FBXO38: variants seen among roughly 807,000 people sequenced by gnomAD.
FBXO38 encodes F-box protein 38, also known as F-box only protein 38.
A neutral mutation model predicts 131.9 loss-of-function variants in FBXO38; 53 were observed. The ratio of observed to expected loss-of-function variants is 0.40; its 90% CI spans 0.32 to 0.51. The LOEUF (loss-of-function observed/expected upper bound fraction) is 0.51, where lower values mean the gene tolerates loss of function less well. Ranked by LOEUF, FBXO38 falls within the 20% of genes least tolerant of loss-of-function variation. FBXO38 has a pLI of 0.53. For synonymous variants in FBXO38, 452 were observed against 505.6 expected (o/e 0.89, Z 1.42); for missense variants, 1,076 against 1,475.6 (o/e 0.73, Z 4.44).
intron 6 of FBXO38, 55 bp from the exon 7 acceptor site, chr5:148,406,202 A>T (rs946627578): frequency 4.8e-6 from 7 of 1,450,704 alleles, no homozygotes; most frequent in Non-Finnish European, 6.4e-6. Context: ...ACTGATTTGA[A>T]ATTCATTTTA....
At chr5:148,417,547 A>G (rs1350602284) in intron 12 of FBXO38, among the ~76,000 whole-genome samples, 2 of 152,192 alleles carry the variant, frequency 1.3e-5, no homozygotes, top group African/African-American at 4.8e-5. Flanking sequence ...AATGGATAGC[A>G]TGAACATTAA....
chr5:148,393,344 TTTAC>T (rs1176666641), intron 1 of FBXO38, among the ~76,000 whole-genome samples: 1 of 151,938 alleles, frequency 6.6e-6, no homozygotes, highest in East Asian at 1.9e-4. Context: ...ATGATGAAGA[TTTAC>T]TTAGCCTAGT....
At chr5:148,410,556 A>G in intron 8 of FBXO38, 79 bp from the exon 9 acceptor site, 1 of 1,525,358 alleles carries the variant, frequency 6.6e-7, no homozygotes, top group Non-Finnish European at 9.0e-7. Context: ...GAAACGGACT[A>G]ATACACTTAT....
chr5:148,394,940 T>A, intron 2 of FBXO38, 36 bp downstream of exon 2: 1 of 1,537,138 alleles, frequency 6.5e-7, no homozygotes, highest in Admixed American at 2.0e-5. Flanking sequence ...CTGCCTGGAA[T>A]GGATAAGAGC....
At position 148,417,195 on chromosome 5, in the gene FBXO38, G is replaced by C. The variant is rs1460688537; in HGVS notation, c.1609G>C (p.Ala537Pro). 2.5e-6 allele frequency: 4 copies of C among 1,608,046 alleles called. No individual in the cohort carries two copies. Among genetic ancestry groups the C allele is most frequent in the Non-Finnish European group, 3.4e-6 (4 of 1,174,754 alleles). The change falls in exon 12 of 22, where the codon GCA (alanine) becomes CCA (proline). Residue 537 changes from alanine (A) to proline (P), a missense_variant. By Grantham distance (27) the Ala-to-Pro change is conservative. Around this residue, in one of 8 missense-constraint regions of FBXO38, gnomAD observed 212 missense variants for 221.2 expected, o/e 0.96. Coordinates refer to ENST00000340253, the MANE Select transcript of FBXO38 (RefSeq NM_205836.3). ...TCTGCAGCCAGGAGAGCAGCAGTTT[G>C]CAGCTGACGGTAACCCAGATCTTTT... ...QDLQPGEQQF[A>P]ADALNEMEDI...
At position 148,404,703 on chromosome 5, in the gene FBXO38, T is replaced by G; in HGVS notation, c.611T>G (p.Ile204Ser). 2 of 1,581,396 alleles carry G rather than the reference T, an allele frequency of 1.3e-6. No individual in the cohort carries two copies. Among genetic ancestry groups the G allele is most frequent in the Non-Finnish European group, 1.7e-6 (2 of 1,166,680 alleles). Reference protein sequence around the residue: ...LHLVGVNVPEIPCIPMLRHLY... With the variant: ...LHLVGVNVPESPCIPMLRHLY... ...GTTTTAGGGGTGAATGTTCCTGAAA[T>G]TCCTTGTATCCCAATGCTAAGGCAC... Residue 204 changes from isoleucine to serine, a missense_variant, in exon 6 of 22, where the codon ATT becomes AGT. By Grantham distance (142) the Ile-to-Ser change is moderately radical. Coordinates refer to ENST00000340253, the MANE Select transcript of FBXO38 (RefSeq NM_205836.3).
chr5:148,405,293 T>G (rs75183446), intron 6 of FBXO38, among the ~76,000 whole-genome samples: 11,649 of 152,178 alleles, frequency 0.077, 856 homozygotes, highest in East Asian at 0.23. Flanking sequence ...TACAAATTCT[T>G]AAACTTTCTT....
chr5:148,390,274 A>G (rs941864064), intron 1 of FBXO38, among the ~76,000 whole-genome samples: 4 of 152,134 alleles, frequency 2.6e-5, no homozygotes, highest in Admixed American at 2.6e-4. Flanking sequence ...TTTTTGACCG[A>G]GGAAGCTTTT....
At position 148,402,137 on chromosome 5, in the gene FBXO38, A is replaced by G; in HGVS notation, c.418A>G (p.Asn140Asp). 1 of 1,609,408 alleles carries G rather than the reference A, an allele frequency of 6.2e-7. No homozygotes were observed. The highest frequency in any genetic ancestry group is 8.5e-7 in the Non-Finnish European group (1 of 1,176,566). ...GVLEALQACP[N>D]LVGVETSHLE... Reference sequence around the variant, plus strand: ...CCTAGAAGCTTTGCAGGCATGCCCAAACTTAGTGGTGAGTGCACCTGGTTG... The same window carrying G: ...CCTAGAAGCTTTGCAGGCATGCCCAGACTTAGTGGTGAGTGCACCTGGTTG... Residue 140 changes from asparagine (N) to aspartate (D), a missense_variant, in exon 4 of 22, where the codon AAC (asparagine) becomes GAC (aspartate). By Grantham distance (23) the Asn-to-Asp change is conservative. This residue lies in a region of FBXO38 where 96 missense variants were observed against 193.9 expected (regional missense o/e 0.50). Coordinates refer to ENST00000340253, the MANE Select transcript of FBXO38 (RefSeq NM_205836.3).
At chr5:148,384,430 G>C (rs186567629) in intron 1 of FBXO38, among the ~76,000 whole-genome samples, 2 of 152,298 alleles carry the variant, frequency 1.3e-5, no homozygotes, top group East Asian at 3.9e-4. Context: ...AAGTGAAGGA[G>C]GTCTGTGTTC....
chr5:148,408,535 A>G (rs1252309692), intron 7 of FBXO38, among the ~76,000 whole-genome samples: 1 of 152,246 alleles, frequency 6.6e-6, no homozygotes, highest in East Asian at 1.9e-4. Flanking sequence ...CTGTACAGTA[A>G]TAAGTGAACA....
intron 5 of FBXO38, among the ~76,000 whole-genome samples, chr5:148,403,565 C>T (rs1031025928): frequency 2.0e-5 from 3 of 152,152 alleles, no homozygotes; most frequent in Non-Finnish European, 2.9e-5. Flanking sequence ...ACATCTCAAT[C>T]TGTACCTCAC....
intron 15 of FBXO38, among the ~76,000 whole-genome samples, chr5:148,432,588 G>T (rs940437983): frequency 6.6e-6 from 1 of 152,180 alleles, no homozygotes; most frequent in African/African-American, 2.4e-5. Flanking sequence ...GTTAATACGA[G>T]TAAAACCCTT....
At chr5:148,423,866 A>G in intron 12 of FBXO38, 132 bp from the exon 13 acceptor site, 2 of 682,556 alleles carry the variant, frequency 2.9e-6, no homozygotes, top group Admixed American at 2.8e-5. Flanking sequence ...TGTATGCAGT[A>G]TATGCTGTTC....
intron 14 of FBXO38, 22 bp from the exon 15 acceptor site, chr5:148,427,190 CG>C: frequency 6.4e-7 from 1 of 1,551,352 alleles, no homozygotes; most frequent in Non-Finnish European, 8.7e-7. Context: ...TTCCTCGGGC[CG>C]TTCTTCTTTT....
intron 12 of FBXO38, 114 bp from the exon 13 acceptor site, chr5:148,423,884 G>A (rs535626957): frequency 1.8e-5 from 15 of 847,632 alleles, no homozygotes; most frequent in South Asian, 1.4e-4. Context: ...TTCTTTCAGG[G>A]CAGGCCTAGT....
chr5:148,423,773 C>T, intron 12 of FBXO38: 1 of 304,172 alleles, frequency 3.3e-6, no homozygotes, highest in African/African-American at 2.1e-5. Context: ...GGGCTTTCTC[C>T]AACAAATGAT....
intron 1 of FBXO38, 111 bp from the exon 2 acceptor site, chr5:148,394,603 T>C (rs1006920498): frequency 2.6e-6 from 1 of 386,526 alleles, no homozygotes; most frequent in African/African-American, 2.1e-5. Flanking sequence ...GAATGTGATG[T>C]GTACCATTAT....
At chr5:148,398,069 G>T (rs1200689186) in intron 2 of FBXO38, among the ~76,000 whole-genome samples, 1 of 152,092 alleles carries the variant, frequency 6.6e-6, no homozygotes, top group East Asian at 1.9e-4. Context: ...TTAACAGCCA[G>T]AGAGGGGTAG....
Sources: gnomAD v4.1 joint callset for allele counts (sites outside exome capture counted in the v4.1 genomes callset) on GRCh38, gnomAD v4.1.1 for gene constraint, gnomAD v4.1.1 regional missense constraint, MANE v1.5 for transcripts, NCBI Gene and HGNC (gene_info 2026-07-23, HGNC 2026-07-21) for gene names.